Variants in DLGAP5 observed in about 807,000 individuals in gnomAD.
The protein encoded by DLGAP5 is disks large-associated protein 5.
In DLGAP5, 90 loss-of-function variants were observed where a neutral mutation model predicts 99.6. That is an observed-to-expected ratio of 0.90 (90% CI 0.76 to 1.08). DLGAP5 has a LOEUF of 1.08. DLGAP5 is among the 50% of genes least tolerant of loss of function. The pLI is 0.00. For synonymous variants in DLGAP5, 311 were observed against 321.3 expected (o/e 0.97, Z 0.34); for missense variants, 1,036 against 983.5 (o/e 1.05, Z -0.71).
At chr14:55,161,785 A>G (rs1356716911) in intron 13 of DLGAP5, among the ~76,000 whole-genome samples, 1 of 147,194 alleles carries the variant, frequency 6.8e-6, no homozygotes, top group Admixed American at 6.8e-5. Context: ...GAGGCAGGAG[A>G]ATCACTTGAA....
At chr14:55,182,325 G>A in intron 4 of DLGAP5, 45 bp downstream of exon 4, 3 of 1,493,470 alleles carry the variant, frequency 2.0e-6, no homozygotes, top group Non-Finnish European at 2.8e-6. Flanking sequence ...TACTAAAAAA[G>A]TGCAATTTAT....
chr14:55,175,499 T>C (rs911104578), intron 9 of DLGAP5, 27 bp from the exon 10 acceptor site: 6 of 1,165,792 alleles, frequency 5.1e-6, no homozygotes, highest in African/African-American at 1.6e-5. Context: ...ATCTTACATA[T>C]AAATTTCAAA....
intron 12 of DLGAP5, among the ~76,000 whole-genome samples, chr14:55,168,687 G>C (rs1021008429): frequency 2.6e-5 from 4 of 152,078 alleles, no homozygotes; most frequent in African/African-American, 9.7e-5. Context: ...CTCTGGGACA[G>C]GGAATGCACT....
At chr14:55,178,352 T>C (rs1883155092) in intron 7 of DLGAP5, among the ~76,000 whole-genome samples, 1 of 152,252 alleles carries the variant, frequency 6.6e-6, no homozygotes, top group South Asian at 2.1e-4. Context: ...TAAATAACCT[T>C]AGATTATAAA....
intron 14 of DLGAP5, among the ~76,000 whole-genome samples, chr14:55,155,268 A>C (rs1279919098): frequency 5.3e-5 from 8 of 150,928 alleles, no homozygotes; most frequent in Admixed American, 1.3e-4. Context: ...CAGGTGATCC[A>C]CCTGCCTCAG....
chr14:55,163,603 T>C (rs1297690457), intron 12 of DLGAP5, among the ~76,000 whole-genome samples: 1 of 152,210 alleles, frequency 6.6e-6, no homozygotes, highest in Non-Finnish European at 1.5e-5. Context: ...TGCCAAACTG[T>C]CTTCTAAAGT....
chr14:55,153,398 G>C (rs972211447), intron 15 of DLGAP5, among the ~76,000 whole-genome samples: 4 of 151,934 alleles, frequency 2.6e-5, no homozygotes, highest in Non-Finnish European at 4.4e-5. Context: ...AAAATTAGCT[G>C]GGCGTGGTGA....
intron 17 of DLGAP5, among the ~76,000 whole-genome samples, 179 bp downstream of exon 17, chr14:55,151,516 T>A (rs1335114853): frequency 1.8e-5 from 1 of 55,056 alleles, no homozygotes. Context: ...AGAGTGAGAC[T>A]CCATCTCAAA....
At chr14:55,158,474 A>G in intron 14 of DLGAP5, 48 bp downstream of exon 14, 3 of 1,511,362 alleles carry the variant, frequency 2.0e-6, no homozygotes, top group Non-Finnish European at 1.8e-6. Context: ...ATTTCTCTTA[A>G]GTAGTCTCAG....
At chr14:55,165,715 T>A (rs2140313959) in intron 12 of DLGAP5, among the ~76,000 whole-genome samples, 1 of 152,332 alleles carries the variant, frequency 6.6e-6, no homozygotes, top group South Asian at 2.1e-4. Context: ...TGATAAAGTT[T>A]CATTTATAAA....
chr14:55,158,779 C>T (rs947769645), intron 13 of DLGAP5, 38 bp from the exon 14 acceptor site: 3 of 1,468,022 alleles, frequency 2.0e-6, no homozygotes, highest in South Asian at 1.2e-5. Context: ...CTGCCCATTA[C>T]CATCTTACAA....
At chr14:55,174,310 T>G (rs531675625) in intron 10 of DLGAP5, among the ~76,000 whole-genome samples, 2 of 152,346 alleles carry the variant, frequency 1.3e-5, no homozygotes, top group South Asian at 4.1e-4. Context: ...CTCAAAACCC[T>G]GTCTCCTGAT....
intron 2 of DLGAP5, among the ~76,000 whole-genome samples, chr14:55,186,952 C>T (rs1280505360): frequency 1.3e-5 from 2 of 152,240 alleles, no homozygotes; most frequent in Admixed American, 6.5e-5. Flanking sequence ...ACTTTGTTGC[C>T]CAGGCTGGAG....
Position 55,177,042 on chromosome 14 carries a change from T to C in DLGAP5, c.1049+20A>G. Reference sequence around the variant, plus strand: ...TTACCCATCTTAGCAAGAGACTTATTATTAAGATCATATTCTTACACTTCT... The same window carrying C: ...TTACCCATCTTAGCAAGAGACTTATCATTAAGATCATATTCTTACACTTCT... On this transcript the variant is annotated intron_variant, in intron 8 of 18. Transcript: ENST00000247191. 4.5e-6 allele frequency: 6 copies of C among 1,346,130 alleles called. No individual in the cohort carries two copies. Among genetic ancestry groups the C allele is most frequent in the Non-Finnish European group, 5.8e-6 (6 of 1,040,402 alleles). The allele number at this position is 1,346,130 out of a possible 1,614,324, so 83.4% of individuals were successfully genotyped here.
At chr14:55,169,687 T>C (rs1882784095) in intron 11 of DLGAP5, 128 bp from the exon 12 acceptor site, 1 of 702,108 alleles carries the variant, frequency 1.4e-6, no homozygotes, top group Non-Finnish European at 2.2e-6. Flanking sequence ...ACAAAAAATA[T>C]CTACCACAAA....
In DLGAP5 at chr14:55,181,316, G is replaced by A. The variant is rs757444525; in HGVS notation, c.496-19C>T. On this transcript the variant is annotated intron_variant, in intron 4 of 18. Coordinates refer to ENST00000247191, the MANE Select transcript of DLGAP5 (RefSeq NM_014750.5). The stretch of plus-strand genomic sequence containing the variant: ...TATCAATCTATTTAAGAGATTAGGT[G>A]CTATGTGATTTAATTGCATAATGAA... 1.3e-6 allele frequency: 2 copies of A among 1,598,062 alleles called. No individual in the cohort carries two copies. The highest frequency in any genetic ancestry group is 1.7e-6 in the Non-Finnish European group (2 of 1,167,534).
In DLGAP5 at chr14:55,183,618, G is replaced by T. The variant is rs767439741; in HGVS notation, c.374C>A (p.Pro125His). ...TGATAAAAGAAAACAAGGCATATCA[G>T]GTCTATAACGACCCACTTTAAATAT... Reference protein sequence around the residue: ...RGIFKVGRYRPDMPCFLLSNQ... With the variant: ...RGIFKVGRYRHDMPCFLLSNQ... The change falls in exon 3 of 19, where the codon CCT becomes CAT. Residue 125 changes from proline to histidine, a missense_variant. By Grantham distance (77) the Pro-to-His change is moderately conservative. Coordinates refer to ENST00000247191, the MANE Select transcript of DLGAP5 (RefSeq NM_014750.5). The T allele has an allele frequency of 1.2e-6, 2 of 1,605,104 alleles. No individual in the cohort carries two copies. Among genetic ancestry groups the T allele is most frequent in the East Asian group, 4.5e-5 (2 of 44,594 alleles).
At position 55,169,505 on chromosome 14, in the gene DLGAP5, C is replaced by A. The variant is rs771265901; in HGVS notation, c.1442G>T (p.Arg481Met). 1.9e-6 allele frequency: 3 copies of A among 1,611,692 alleles called. No homozygotes were observed. Among genetic ancestry groups the A allele is most frequent in the South Asian group, 2.2e-5 (2 of 90,428 alleles). ...VGQTRLLMKERFKQFEGLVDD... is the reference protein window; with the variant it reads ...VGQTRLLMKEMFKQFEGLVDD... The stretch of plus-strand genomic sequence containing the variant: ...AACCAGTCCTTCAAACTGTTTAAAC[C>A]TTTCCTTCATAAGGAGTCTTGTTTG... Residue 481 changes from arginine to methionine, a missense_variant, in exon 12 of 19, where the codon AGG (arginine) becomes ATG (methionine). Physicochemically the swap from Arg to Met is moderately conservative, Grantham distance 91. Transcript: ENST00000247191.
intron 13 of DLGAP5, among the ~76,000 whole-genome samples, chr14:55,161,559 G>C (rs997178389): frequency 6.6e-6 from 1 of 150,404 alleles, no homozygotes; most frequent in Non-Finnish European, 1.5e-5. Context: ...ACAGGCATGC[G>C]CCACCTCGCC....
Sources: gnomAD v4.1 joint callset for allele counts (sites outside exome capture counted in the v4.1 genomes callset) on GRCh38, gnomAD v4.1.1 for gene constraint, MANE v1.5 for transcripts, NCBI Gene and HGNC (gene_info 2026-07-23, HGNC 2026-07-21) for gene names.